LHFPL3: variants seen among roughly 807,000 people sequenced by gnomAD.
The protein encoded by LHFPL3 is LHFPL tetraspan subfamily member 3 protein.
In LHFPL3, 5 loss-of-function variants were observed where a neutral mutation model predicts 19.3. That is an observed-to-expected ratio of 0.26 (90% CI 0.14 to 0.54). The LOEUF (loss-of-function observed/expected upper bound fraction) is 0.54, where lower values mean the gene tolerates loss of function less well. Ranked by LOEUF, LHFPL3 falls within the 20% of genes least tolerant of loss-of-function variation. LHFPL3 has a pLI of 0.94. For missense variants in LHFPL3, 249 were observed against 307.4 expected (o/e 0.81, Z 1.42); for synonymous variants, 133 against 126.2 (o/e 1.05, Z -0.36).
chr7:104,874,414 G>C (rs1791895803), intron 2 of LHFPL3, among the ~76,000 whole-genome samples: 1 of 147,982 alleles, frequency 6.8e-6, no homozygotes, highest in Non-Finnish European at 1.5e-5. Flanking sequence ...TTTGGGGGGG[G>C]GACAGAGTCT....
chr7:104,594,540 T>A (rs1193392747), intron 1 of LHFPL3, among the ~76,000 whole-genome samples: 1 of 152,170 alleles, frequency 6.6e-6, no homozygotes, highest in African/African-American at 2.4e-5. Context: ...TGGAGGAGTA[T>A]CTTTGTGGCG....
chr7:104,611,135 A>G (rs1316243605), intron 1 of LHFPL3, among the ~76,000 whole-genome samples: 1 of 152,238 alleles, frequency 6.6e-6, no homozygotes, highest in African/African-American at 2.4e-5. Context: ...TAGGATGTTG[A>G]TGACAAATCC....
intron 1 of LHFPL3, among the ~76,000 whole-genome samples, chr7:104,342,393 TG>T (rs34713175): frequency 6.6e-6 from 1 of 152,146 alleles, no homozygotes; most frequent in East Asian, 1.9e-4. Context: ...ACTCAGAACA[TG>T]GACCGCAGCC....
At chr7:104,388,158 G>A (rs1790987175) in intron 1 of LHFPL3, among the ~76,000 whole-genome samples, 1 of 152,070 alleles carries the variant, frequency 6.6e-6, no homozygotes, top group Non-Finnish European at 1.5e-5. Flanking sequence ...TGGGGTATAT[G>A]TACCACATTT....
chr7:104,864,648 T>A (rs1369038233), intron 2 of LHFPL3, among the ~76,000 whole-genome samples: 2 of 152,222 alleles, frequency 1.3e-5, no homozygotes, highest in Non-Finnish European at 2.9e-5. Flanking sequence ...CCTGCCTCTG[T>A]AGACTCCATC....
intron 1 of LHFPL3, among the ~76,000 whole-genome samples, chr7:104,341,762 G>A (rs1331773513): frequency 1.3e-5 from 2 of 152,186 alleles, no homozygotes; most frequent in Admixed American, 1.3e-4. Context: ...GGGAGCTCCA[G>A]CCCTGTCATC....
intron 2 of LHFPL3, among the ~76,000 whole-genome samples, chr7:104,786,310 T>G (rs1190873769): frequency 1.3e-5 from 2 of 152,192 alleles, no homozygotes; most frequent in East Asian, 3.8e-4. Context: ...AATCTTTAAT[T>G]TTATCAAACT....
intron 1 of LHFPL3, among the ~76,000 whole-genome samples, chr7:104,632,013 C>G (rs1791651496): frequency 6.6e-6 from 1 of 152,152 alleles, no homozygotes; most frequent in South Asian, 2.1e-4. Flanking sequence ...AGTGAGTGAC[C>G]TGTCTTTGGA....
At chr7:104,663,917 T>C (rs1237268880) in intron 1 of LHFPL3, among the ~76,000 whole-genome samples, 1 of 152,206 alleles carries the variant, frequency 6.6e-6, no homozygotes, top group Non-Finnish European at 1.5e-5. Flanking sequence ...AACTTTGAAA[T>C]GGACAAAAGA....
At chr7:104,872,799 C>A (rs1223866821) in intron 2 of LHFPL3, among the ~76,000 whole-genome samples, 1 of 152,200 alleles carries the variant, frequency 6.6e-6, no homozygotes, top group Non-Finnish European at 1.5e-5. Flanking sequence ...ACCTGAGGAC[C>A]TGCCTGAAGC....
At chr7:104,597,789 A>G (rs1227228121) in intron 1 of LHFPL3, among the ~76,000 whole-genome samples, 2 of 152,228 alleles carry the variant, frequency 1.3e-5, no homozygotes, top group Non-Finnish European at 2.9e-5. Context: ...CAAAAAGTTC[A>G]TAGAAAATGT....
At chr7:104,536,944 T>C (rs141748614) in intron 1 of LHFPL3, among the ~76,000 whole-genome samples, 1 of 152,362 alleles carries the variant, frequency 6.6e-6, no homozygotes, top group East Asian at 1.9e-4. Context: ...CCTATAGTCC[T>C]TATACATCAA....
intron 1 of LHFPL3, among the ~76,000 whole-genome samples, chr7:104,579,291 T>A (rs1007329142): frequency 1.3e-5 from 2 of 152,130 alleles, no homozygotes; most frequent in Admixed American, 6.6e-5. Flanking sequence ...ACAGGTAGAT[T>A]TTCAACCCTT....
intron 1 of LHFPL3, among the ~76,000 whole-genome samples, chr7:104,539,230 C>G (rs1794442175): frequency 6.6e-6 from 1 of 152,106 alleles, no homozygotes; most frequent in African/African-American, 2.4e-5. Flanking sequence ...CAATAGAAAA[C>G]TAATGAAGTG....
chr7:104,765,623 T>G (rs1315007348), intron 2 of LHFPL3, among the ~76,000 whole-genome samples: 1 of 152,244 alleles, frequency 6.6e-6, no homozygotes, highest in East Asian at 1.9e-4. Context: ...AACTAATAGT[T>G]ATTGAGCTTA....
intron 1 of LHFPL3, among the ~76,000 whole-genome samples, chr7:104,462,743 G>C (rs1034557253): frequency 3.9e-5 from 6 of 152,288 alleles, no homozygotes; most frequent in African/African-American, 1.4e-4. Context: ...TCAGGCTGAT[G>C]CTGGCTTTAT....
At chr7:104,601,779 C>T (rs932182669) in intron 1 of LHFPL3, among the ~76,000 whole-genome samples, 2 of 152,128 alleles carry the variant, frequency 1.3e-5, no homozygotes, top group East Asian at 1.9e-4. Flanking sequence ...CCTCACCATA[C>T]TTTCTCACTG....
At chr7:104,787,604 G>T (rs1373975879) in intron 2 of LHFPL3, among the ~76,000 whole-genome samples, 1 of 152,200 alleles carries the variant, frequency 6.6e-6, no homozygotes, top group Non-Finnish European at 1.5e-5. Flanking sequence ...AAGCTGGAGT[G>T]CAGTGGCACA....
chr7:104,820,678 C>T (rs550164492), intron 2 of LHFPL3, among the ~76,000 whole-genome samples: 15 of 152,302 alleles, frequency 9.8e-5, no homozygotes, highest in Admixed American at 3.9e-4. Flanking sequence ...AATCAAGCAG[C>T]TCCCCTCACT....
Sources: allele counts gnomAD v4.1 joint callset (sites outside exome capture counted in the v4.1 genomes callset), GRCh38; gene constraint gnomAD v4.1.1; transcripts MANE v1.5; gene names NCBI Gene and HGNC (gene_info 2026-07-23, HGNC 2026-07-21).